TSGA10: variants seen among roughly 807,000 people sequenced by gnomAD.
TSGA10 encodes the protein testis specific 10.
Under a neutral mutation model 96.6 loss-of-function variants are expected in TSGA10, and 43 were observed. That is an observed-to-expected ratio of 0.44 (90% confidence interval 0.35 to 0.57). The LOEUF (loss-of-function observed/expected upper bound fraction) is 0.57. TSGA10 is among the 20% of genes least tolerant of loss of function. The pLI, the probability that TSGA10 is intolerant of heterozygous loss-of-function variation, is 0.01. For missense variants in TSGA10, 703 were observed against 834.4 expected, an observed-to-expected ratio of 0.84 and a Z score of 1.94; for synonymous variants, 229 against 269.9, an observed-to-expected ratio of 0.85 and a Z score of 1.48.
chr2:99,005,032 A>C (rs1249058704), intron 20 of TSGA10, among the ~76,000 whole-genome samples: 6 of 152,246 alleles, frequency 3.9e-5, no homozygotes, highest in African/African-American at 1.4e-4. Flanking sequence ...ACAGAACCAA[A>C]GACAAAAACC....
intron 16 of TSGA10, among the ~76,000 whole-genome samples, chr2:99,047,291 A>C (rs6419566): frequency 9.2e-5 from 14 of 152,008 alleles, no homozygotes; most frequent in African/African-American, 3.1e-4. Flanking sequence ...TTTTAGACCA[A>C]TATCCCTGAT....
At chr2:99,000,099 T>G (rs2077756596) in intron 20 of TSGA10, among the ~76,000 whole-genome samples, 1 of 152,088 alleles carries the variant, frequency 6.6e-6, no homozygotes, top group Admixed American at 6.5e-5. Flanking sequence ...TGGCAGGGTG[T>G]GGTGGCTCAT....
At chr2:99,037,069 G>T (rs1022573123) in intron 16 of TSGA10, among the ~76,000 whole-genome samples, 1 of 152,140 alleles carries the variant, frequency 6.6e-6, no homozygotes, top group Non-Finnish European at 1.5e-5. Flanking sequence ...CAACACCCAT[G>T]TATCAGTAAC....
intron 17 of TSGA10, among the ~76,000 whole-genome samples, chr2:99,027,543 TATC>T (rs1349746790): frequency 8.5e-5 from 13 of 152,322 alleles, no homozygotes; most frequent in East Asian, 1.9e-4. Flanking sequence ...ATTTTAATGA[TATC>T]ATGCAAAAAA....
At chr2:99,059,091 T>A (rs975529331) in intron 16 of TSGA10, among the ~76,000 whole-genome samples, 75 of 146,606 alleles carry the variant, frequency 5.1e-4, no homozygotes, top group African/African-American at 1.8e-3. Context: ...TATATATATA[T>A]ATATATGCAA....
chr2:99,095,045 T>C lies in TSGA10; in HGVS notation c.611+8922A>G, dbSNP rs947438037. On this transcript the variant is annotated intron_variant, in intron 10 of 20. Coordinates refer to ENST00000393483, the MANE Select transcript of TSGA10 (RefSeq NM_025244.4). ...GGATAAAGAAATTGTGGTATATATA[T>C]ACCATGGAATACAATCCAGTCATAA... Among the ~76,000 whole-genome samples, 3 of 152,268 alleles carry C rather than the reference T, an allele frequency of 2.0e-5. No individual in the cohort carries two copies. In the East Asian group the frequency reaches 5.8e-4, roughly 29 times the overall value.
At position 99,089,197 on chromosome 2, in the gene TSGA10, A is replaced by AC. The variant is rs141963430; in HGVS notation, c.612-7801_612-7800insG. Among the ~76,000 whole-genome samples, 864 of 152,300 alleles carry AC rather than the reference A, an allele frequency of 5.7e-3. 9 individuals carry two copies. Among genetic ancestry groups the AC allele is most frequent in the African/African-American group, 0.02 (838 of 41,550 alleles). On this transcript the variant is annotated intron_variant, in intron 10 of 20. Transcript: ENST00000393483. ...ACCTTACCTGGAGCTGAGATACTTT[A>AC]GAGAGCCAAGCGAAATACAGGAGTA...
intron 10 of TSGA10, among the ~76,000 whole-genome samples, chr2:99,103,408 T>A (rs2090993209): frequency 6.6e-6 from 1 of 152,210 alleles, no homozygotes; most frequent in Admixed American, 6.5e-5. Flanking sequence ...CTTCAAAAAC[T>A]CATTCTCCCA....
At chr2:99,076,476 A>G (rs2086710698) in intron 12 of TSGA10, among the ~76,000 whole-genome samples, 1 of 152,070 alleles carries the variant, frequency 6.6e-6, no homozygotes, top group Non-Finnish European at 1.5e-5. Flanking sequence ...CTCACACTCA[A>G]CATCACATGT....
intron 10 of TSGA10, among the ~76,000 whole-genome samples, chr2:99,086,251 C>T (rs1197085263): frequency 6.6e-6 from 1 of 152,112 alleles, no homozygotes; most frequent in Non-Finnish European, 1.5e-5. Flanking sequence ...AGAACTCTGA[C>T]CACTACATGA....
Position 99,032,782 on chromosome 2 carries a change from T to G in TSGA10, c.1614+2448A>C, listed in dbSNP as rs368480707. On this transcript the variant is annotated intron_variant, in intron 17 of 20. Coordinates refer to ENST00000393483, the MANE Select transcript of TSGA10 (RefSeq NM_025244.4). Reference sequence around the variant, plus strand: ...AGGTGGCACATGTTCCTCTTTTGGCTAGCACCAATAACTAGATGAATTGAT... The same window carrying G: ...AGGTGGCACATGTTCCTCTTTTGGCGAGCACCAATAACTAGATGAATTGAT... Among the ~76,000 whole-genome samples the G allele has an allele frequency of 8.5e-5, 13 of 152,316 alleles. No individual in the cohort carries two copies. In the East Asian group the frequency reaches 9.6e-4, roughly 11 times the overall value.
At chr2:99,050,101 G>A (rs892662929) in intron 16 of TSGA10, among the ~76,000 whole-genome samples, 6 of 152,032 alleles carry the variant, frequency 3.9e-5, no homozygotes, top group Admixed American at 1.3e-4. Context: ...ATTGGACTAA[G>A]GAAATGAAAA....
At chr2:99,040,265 C>A (rs1283415010) in intron 16 of TSGA10, among the ~76,000 whole-genome samples, 1 of 152,070 alleles carries the variant, frequency 6.6e-6, no homozygotes, top group African/African-American at 2.4e-5. Context: ...GAAGTCTTAG[C>A]CAGAGCAATC....
At chr2:99,057,720 T>G (rs2084170960) in intron 16 of TSGA10, among the ~76,000 whole-genome samples, 1 of 152,276 alleles carries the variant, frequency 6.6e-6, no homozygotes, top group East Asian at 1.9e-4. Flanking sequence ...TCCCAGGTGG[T>G]TTCTTTGTAG....
chr2:99,045,239 C>T (rs574120767), intron 16 of TSGA10, among the ~76,000 whole-genome samples: 15 of 151,962 alleles, frequency 9.9e-5, no homozygotes, highest in Non-Finnish European at 1.9e-4. Context: ...ACTGATGCCA[C>T]AAAGATACTC....
intron 16 of TSGA10, among the ~76,000 whole-genome samples, chr2:99,039,289 G>C (rs1345041618): frequency 8.0e-6 from 1 of 124,470 alleles, no homozygotes; most frequent in Non-Finnish European, 1.7e-5. Flanking sequence ...GATCAGAGCA[G>C]AATTAAAATG....
intron 1 of TSGA10, among the ~76,000 whole-genome samples, chr2:99,144,467 T>A (rs1387608956): frequency 6.6e-6 from 1 of 151,662 alleles, no homozygotes; most frequent in Admixed American, 6.6e-5. Context: ...CTAAAAGCCA[T>A]TGCTTCATGT....
At chr2:99,140,341 A>T (rs560369914) in intron 1 of TSGA10, among the ~76,000 whole-genome samples, 2 of 152,272 alleles carry the variant, frequency 1.3e-5, no homozygotes, top group African/African-American at 4.8e-5. Context: ...ATGTCCTTAC[A>T]CGTAAACAAA....
At chr2:99,099,256 G>A (rs2090435043) in intron 10 of TSGA10, among the ~76,000 whole-genome samples, 1 of 152,214 alleles carries the variant, frequency 6.6e-6, no homozygotes, top group Non-Finnish European at 1.5e-5. Context: ...AGGTTGCGGT[G>A]AGCCAAGATC....
Sources: allele counts gnomAD v4.1 joint callset (sites outside exome capture counted in the v4.1 genomes callset), GRCh38; gene constraint gnomAD v4.1.1; transcripts MANE v1.5; gene names NCBI Gene and HGNC (gene_info 2026-07-23, HGNC 2026-07-21).